CNTLN: variants seen among roughly 807,000 people sequenced by gnomAD.
The protein encoded by CNTLN is centlein, centrosomal protein.
In CNTLN, 212 loss-of-function variants were observed where a neutral mutation model predicts 180.0. The ratio of observed to expected loss-of-function variants is 1.18; its 90% confidence interval spans 1.05 to 1.32. The LOEUF (loss-of-function observed/expected upper bound fraction) is 1.32. CNTLN is among the 40% of genes most tolerant of loss of function. CNTLN has a pLI of 0.00. For missense variants in CNTLN, 2,095 were observed against 1,610.9 expected, an observed-to-expected ratio of 1.30 and a Z score of -5.14; for synonymous variants, 722 against 563.1, an observed-to-expected ratio of 1.28 and a Z score of -3.99.
chr9:17,185,362 C>T (rs1164690295), intron 2 of CNTLN, among the ~76,000 whole-genome samples: 2 of 152,182 alleles, frequency 1.3e-5, no homozygotes. Context: ...ACAAACATGA[C>T]ATTTACTTTC....
At chr9:17,437,737 A>T (rs1372705) in intron 18 of CNTLN, among the ~76,000 whole-genome samples, 61,370 of 151,980 alleles carry the variant, frequency 0.4, 14,492 homozygotes, top group African/African-American at 0.65. Context: ...TTAAATATGA[A>T]CCTTGTCCCC....
chr9:17,511,648 T>TCTCTCTCACA, the CNTLN span, among the ~76,000 whole-genome samples: 129 of 146,686 alleles, frequency 8.8e-4, no homozygotes, highest in African/African-American at 2.5e-3. Flanking sequence ...TCTCTCTCTC[T>TCTCTCTCACA]CACACACACA....
chr9:17,179,709 C>T (rs1010258437), intron 2 of CNTLN, among the ~76,000 whole-genome samples: 6 of 152,166 alleles, frequency 3.9e-5, no homozygotes, highest in African/African-American at 1.4e-4. Context: ...CTGAGCTCTT[C>T]TGTACCTTTG....
intron 15 of CNTLN, among the ~76,000 whole-genome samples, chr9:17,403,778 A>T (rs1245632947): frequency 6.6e-6 from 1 of 151,510 alleles, no homozygotes; most frequent in East Asian, 1.9e-4. Flanking sequence ...TGAAAGACAC[A>T]TTTTCTTCTT....
chr9:17,265,285 T>C (rs554990752), intron 5 of CNTLN, among the ~76,000 whole-genome samples: 2 of 152,270 alleles, frequency 1.3e-5, no homozygotes, highest in Non-Finnish European at 2.9e-5. Flanking sequence ...CTTTTCTGCA[T>C]CTTTTGAGAT....
chr9:17,404,340 C>A (rs184185839), intron 15 of CNTLN, among the ~76,000 whole-genome samples: 3 of 151,714 alleles, frequency 2.0e-5, no homozygotes, highest in Admixed American at 6.6e-5. Context: ...ATTATTTAAC[C>A]AAGTAACCCA....
intron 18 of CNTLN, among the ~76,000 whole-genome samples, chr9:17,443,570 A>T (rs573559542): frequency 8.6e-4 from 131 of 152,314 alleles, no homozygotes; most frequent in African/African-American, 3.0e-3. Context: ...GTTATTCAGG[A>T]TAGTGATTAT....
At chr9:17,219,328 C>T (rs769390796) in intron 2 of CNTLN, among the ~76,000 whole-genome samples, 1 of 150,534 alleles carries the variant, frequency 6.6e-6, no homozygotes, top group African/African-American at 2.5e-5. Flanking sequence ...TGGTTGGTGA[C>T]ATTATAAACT....
At chr9:17,177,559 C>T (rs1587013911) in intron 2 of CNTLN, among the ~76,000 whole-genome samples, 1 of 152,132 alleles carries the variant, frequency 6.6e-6, no homozygotes, top group African/African-American at 2.4e-5. Flanking sequence ...TTTGTTCCTT[C>T]TGATGGTCGG....
chr9:17,254,053 G>A (rs184015673), intron 5 of CNTLN, among the ~76,000 whole-genome samples: 4 of 151,410 alleles, frequency 2.6e-5, no homozygotes, highest in Non-Finnish European at 5.9e-5. Context: ...TTGTCCTTCA[G>A]TTCATTGATG....
chr9:17,228,848 A>T (rs1285478529), intron 3 of CNTLN, among the ~76,000 whole-genome samples: 1 of 152,104 alleles, frequency 6.6e-6, no homozygotes, highest in Non-Finnish European at 1.5e-5. Flanking sequence ...CCAGGAGAAC[A>T]GTGGCGTTAT....
intron 6 of CNTLN, among the ~76,000 whole-genome samples, chr9:17,274,453 ATATC>A (rs71331478): frequency 0.32 from 44,319 of 138,516 alleles, 7,530 homozygotes; most frequent in Non-Finnish European, 0.36. Flanking sequence ...TCATAGATCA[ATATC>A]TATCTATCTA....
chr9:17,421,233 T>G (rs2083694), intron 18 of CNTLN, among the ~76,000 whole-genome samples: 1 of 152,000 alleles, frequency 6.6e-6, no homozygotes, highest in Non-Finnish European at 1.5e-5. Flanking sequence ...TATTTGCTTT[T>G]TATATCTGAG....
chr9:17,370,676 G>C (rs957580763), intron 13 of CNTLN, among the ~76,000 whole-genome samples: 4 of 152,166 alleles, frequency 2.6e-5, no homozygotes, highest in Admixed American at 6.5e-5. Flanking sequence ...TACCGTAACA[G>C]TGGTATACAA....
chr9:17,427,508 G>C (rs909296354), intron 18 of CNTLN, among the ~76,000 whole-genome samples: 3 of 151,944 alleles, frequency 2.0e-5, no homozygotes, highest in Non-Finnish European at 4.4e-5. Context: ...GTGTATTTTA[G>C]CCTGTAAATC....
chr9:17,450,729 C>A (rs1830733860), intron 18 of CNTLN, among the ~76,000 whole-genome samples: 1 of 152,076 alleles, frequency 6.6e-6, no homozygotes, highest in Admixed American at 6.6e-5. Context: ...TTCATAACTG[C>A]AGTTGTCAGA....
chr9:17,512,895 C>T, the CNTLN span, among the ~76,000 whole-genome samples: 28 of 152,282 alleles, frequency 1.8e-4, no homozygotes, highest in African/African-American at 6.7e-4. Flanking sequence ...CAGCTCACTG[C>T]AAGCTCCGCC....
At chr9:17,141,269 T>C (rs1773828689) in intron 1 of CNTLN, among the ~76,000 whole-genome samples, 1 of 152,160 alleles carries the variant, frequency 6.6e-6, no homozygotes. Context: ...TACAGGATTA[T>C]TAAATGAAAT....
chr9:17,493,700 T>C (rs986119768), intron 25 of CNTLN, among the ~76,000 whole-genome samples: 3 of 152,184 alleles, frequency 2.0e-5, no homozygotes, highest in Admixed American at 2.0e-4. Flanking sequence ...GGTAATAAAA[T>C]CAAAACTCCA....
Sources: allele counts gnomAD v4.1 joint callset (sites outside exome capture counted in the v4.1 genomes callset), GRCh38; gene constraint gnomAD v4.1.1; transcripts MANE v1.5; gene names NCBI Gene and HGNC (gene_info 2026-07-23, HGNC 2026-07-21).